Variants in COL13A1 observed in about 807,000 individuals in gnomAD.
COL13A1 encodes collagen alpha-1(XIII) chain.
COL13A1 carries 89 observed loss-of-function variants against 130.9 expected under a neutral mutation model. The observed-to-expected ratio is 0.68, with a 90% CI of 0.57 to 0.81. COL13A1 has a LOEUF of 0.81. COL13A1 is among the 30% of genes least tolerant of loss of function. The probability of loss-of-function intolerance (pLI) is 0.00; values close to 1 mark genes in which losing one functional copy is unlikely to be tolerated. For synonymous variants in COL13A1, 402 were observed against 341.6 expected (o/e 1.18, Z -1.95); for missense variants, 879 against 934.6 (o/e 0.94, Z 0.78).
At chr10:69,944,095 C>A (rs1167779590) in intron 35 of COL13A1, 30 bp from the exon 36 acceptor site, 5 of 1,605,636 alleles carry the variant, frequency 3.1e-6, no homozygotes, top group East Asian at 4.5e-5. Flanking sequence ...GTGTGGGGAC[C>A]CTCACCTCTG....
At position 69,893,581 on chromosome 10, in the gene COL13A1, C is replaced by T. The variant is rs184938114; in HGVS notation, c.604-971C>T. Among the ~76,000 whole-genome samples the T allele has an allele frequency of 1.8e-4, 27 of 152,338 alleles. No individual in the cohort carries two copies. The East Asian group carries it at 4.4e-3, about 25-fold the overall frequency. ...CCTTGGGGATCTGCAGTGCTTCAGG[C>T]CCCAAAGAGACTGGTGGCTCAAAGG... On this transcript the variant is annotated intron_variant, in intron 10 of 40. Transcript: ENST00000645393.
intron 5 of COL13A1, among the ~76,000 whole-genome samples, chr10:69,876,267 G>A (rs1186300860): frequency 6.6e-6 from 1 of 152,198 alleles, no homozygotes; most frequent in Non-Finnish European, 1.5e-5. Context: ...GGAAGTGGCT[G>A]AGCAGAAATC....
intron 7 of COL13A1, among the ~76,000 whole-genome samples, chr10:69,886,146 T>C (rs575987298): frequency 2.6e-4 from 40 of 152,344 alleles, no homozygotes; most frequent in Non-Finnish European, 3.5e-4. Context: ...CAAACTTTCA[T>C]TGATCACAAG....
chr10:69,867,257 A>G (rs1325813220), intron 2 of COL13A1, among the ~76,000 whole-genome samples: 1 of 152,190 alleles, frequency 6.6e-6, no homozygotes, highest in Non-Finnish European at 1.5e-5. Flanking sequence ...TGGAGGGGTG[A>G]AGTGCCTAAC....
At chr10:69,925,719 G>C (rs918420293) in intron 25 of COL13A1, 85 bp from the exon 26 acceptor site, 17 of 975,278 alleles carry the variant, frequency 1.7e-5, no homozygotes, top group Non-Finnish European at 2.5e-5. Flanking sequence ...GGTGCAGCCA[G>C]TGTGGGCTGA....
chr10:69,885,429 A>C (rs1454589688), intron 7 of COL13A1, among the ~76,000 whole-genome samples: 1 of 152,228 alleles, frequency 6.6e-6, no homozygotes, highest in Non-Finnish European at 1.5e-5. Flanking sequence ...CATAAATTAA[A>C]GTGCAGTTCC....
intron 4 of COL13A1, 94 bp from the exon 5 acceptor site, chr10:69,875,034 G>A (rs2059436740): frequency 1.3e-6 from 2 of 1,520,640 alleles, no homozygotes; most frequent in African/African-American, 1.4e-5. Context: ...GGTTAGCTGT[G>A]CCCTAAATCA....
chr10:69,948,405 C>T (rs996479472), intron 38 of COL13A1, among the ~76,000 whole-genome samples: 1 of 152,178 alleles, frequency 6.6e-6, no homozygotes, highest in Non-Finnish European at 1.5e-5. Context: ...TCACTGGCAG[C>T]TGGTCAAAAG....
chr10:69,829,398 C>A, intron 2 of COL13A1: 1 of 417,560 alleles, frequency 2.4e-6, no homozygotes, highest in Non-Finnish European at 3.2e-6. Flanking sequence ...TGCTCTGACC[C>A]CCCTCGCCAT....
chr10:69,860,253 T>A (rs1857599080), intron 2 of COL13A1, among the ~76,000 whole-genome samples: 1 of 152,012 alleles, frequency 6.6e-6, no homozygotes, highest in Non-Finnish European at 1.5e-5. Flanking sequence ...TGGGGCGGTC[T>A]CCTGAGCTAG....
In COL13A1 at chr10:69,930,428, GC is replaced by G; in HGVS notation, c.1562del (p.Pro521LeufsTer16). 6.2e-6 allele frequency: 10 copies of G among 1,612,544 alleles called. No homozygotes were observed. The highest frequency in any genetic ancestry group is 8.5e-6 in the Non-Finnish European group (10 of 1,179,344). On this transcript the variant is annotated frameshift_variant, in exon 30 of 41. Transcript: ENST00000645393. LOFTEE classifies it high-confidence loss of function. ...CCTCGCGGTAAACCAGGAGACATGG[GC>G]CCTCCTGGTCCCCAAGGCCCCCCAG... ...KGPRGKPGDM[G>X]PPGPQGPPGK... is the part of the protein sequence containing the mutation.
intron 2 of COL13A1, among the ~76,000 whole-genome samples, chr10:69,852,075 G>C (rs1017797937): frequency 2.6e-5 from 4 of 152,128 alleles, no homozygotes; most frequent in Non-Finnish European, 2.9e-5. Context: ...TTGCTGTGCT[G>C]GTGTGCAGTG....
intron 21 of COL13A1, among the ~76,000 whole-genome samples, chr10:69,920,073 G>T (rs1320920760): frequency 6.6e-6 from 1 of 152,220 alleles, no homozygotes; most frequent in African/African-American, 2.4e-5. Flanking sequence ...AGCCCAGGCA[G>T]GACAGGGCAG....
intron 8 of COL13A1, 116 bp downstream of exon 8, chr10:69,887,607 TA>T: frequency 8.9e-7 from 1 of 1,129,488 alleles, no homozygotes; most frequent in South Asian, 1.4e-5. Flanking sequence ...CCCTGGTCAT[TA>T]AGGACTTGCT....
intron 1 of COL13A1, among the ~76,000 whole-genome samples, chr10:69,810,132 T>C (rs955165756): frequency 2.6e-5 from 4 of 152,132 alleles, no homozygotes; most frequent in African/African-American, 9.7e-5. Flanking sequence ...AAAGTTACTC[T>C]CCCCTCCTTC....
intron 2 of COL13A1, among the ~76,000 whole-genome samples, chr10:69,843,754 G>T (rs929145521): frequency 6.6e-6 from 1 of 152,310 alleles, no homozygotes; most frequent in South Asian, 2.1e-4. Flanking sequence ...TGACGGTGAT[G>T]GTGGTCATGG....
intron 1 of COL13A1, among the ~76,000 whole-genome samples, chr10:69,813,002 T>C (rs1289927791): frequency 6.6e-6 from 1 of 152,250 alleles, no homozygotes; most frequent in Non-Finnish European, 1.5e-5. Context: ...CCCACATTGA[T>C]GTGTGGTTTG....
intron 2 of COL13A1, among the ~76,000 whole-genome samples, chr10:69,824,496 T>C (rs1425371150): frequency 6.6e-6 from 1 of 152,042 alleles, no homozygotes; most frequent in Non-Finnish European, 1.5e-5. Flanking sequence ...GGCTGGGAGC[T>C]GGGGAGGAAT....
chr10:69,879,199 C>T (rs1477314222), intron 6 of COL13A1, among the ~76,000 whole-genome samples: 1 of 152,110 alleles, frequency 6.6e-6, no homozygotes, highest in Non-Finnish European at 1.5e-5. Flanking sequence ...TGTCTGACTC[C>T]AAGGCTGGGG....
Sources: gnomAD v4.1 joint callset for allele counts (sites outside exome capture counted in the v4.1 genomes callset) on GRCh38, gnomAD v4.1.1 for gene constraint, MANE v1.5 for transcripts, NCBI Gene and HGNC (gene_info 2026-07-23, HGNC 2026-07-21) for gene names.